The following C12orf75 variants were observed in gnomAD, a reference collection of about 807,000 sequenced individuals.
The protein encoded by C12orf75 is overexpressed in colon carcinoma 1 protein.
C12orf75 carries 4 observed loss-of-function variants against 11.4 expected under a neutral mutation model. The ratio of observed to expected loss-of-function variants is 0.35; its 90% CI spans 0.17 to 0.80. The LOEUF (loss-of-function observed/expected upper bound fraction) is 0.80. Ranked by LOEUF, C12orf75 falls within the 30% of genes least tolerant of loss-of-function variation. The probability of loss-of-function intolerance (pLI) is 0.52; values close to 1 mark genes in which losing one functional copy is unlikely to be tolerated. For synonymous variants in C12orf75, 30 were observed against 30.0 expected (o/e 1.00, Z 0.00); for missense variants, 89 against 80.4 (o/e 1.11, Z -0.41).
chr12:105,350,327 G>A (rs566171620), intron 2 of C12orf75, among the ~76,000 whole-genome samples: 187 of 152,326 alleles, frequency 1.2e-3, no homozygotes, highest in African/African-American at 4.3e-3. Flanking sequence ...CTCGCATGGC[G>A]TGGGAGGAGA....
chr12:105,358,014 T>G (rs892048653), intron 2 of C12orf75, among the ~76,000 whole-genome samples: 1 of 152,098 alleles, frequency 6.6e-6, no homozygotes, highest in Non-Finnish European at 1.5e-5. Context: ...TTGGCTATTT[T>G]ATTTTGTATT....
At chr12:105,365,284 C>T (rs566821529) in intron 2 of C12orf75, among the ~76,000 whole-genome samples, 1 of 152,198 alleles carries the variant, frequency 6.6e-6, no homozygotes, top group African/African-American at 2.4e-5. Flanking sequence ...ATCAAATAGG[C>T]ATTAACTCTT....
intron 1 of C12orf75, among the ~76,000 whole-genome samples, chr12:105,338,465 C>T (rs548304287): frequency 3.3e-5 from 5 of 152,272 alleles, no homozygotes; most frequent in South Asian, 2.1e-4. Context: ...TGAGCCACTG[C>T]GCCTGGCCAT....
intron 4 of C12orf75, 46 bp from the exon 5 acceptor site, chr12:105,367,426 C>A: frequency 1.5e-6 from 1 of 672,640 alleles, no homozygotes; most frequent in Non-Finnish European, 2.5e-6. Flanking sequence ...TTAGAATATG[C>A]TATTTATAAT....
At chr12:105,347,303 G>T (rs1892652387) in intron 1 of C12orf75, among the ~76,000 whole-genome samples, 1 of 152,154 alleles carries the variant, frequency 6.6e-6, no homozygotes, top group Non-Finnish European at 1.5e-5. Flanking sequence ...TTATTAAGGA[G>T]GACTGACTCA....
chr12:105,370,494 TA>T (rs1341303801), intron 5 of C12orf75, 139 bp from the exon 6 acceptor site: 1 of 423,328 alleles, frequency 2.4e-6, no homozygotes, highest in Non-Finnish European at 4.8e-6. Context: ...ACCTAAGTCT[TA>T]AATTAATATT....
At chr12:105,358,292 G>T (rs933740164) in intron 2 of C12orf75, among the ~76,000 whole-genome samples, 4 of 152,178 alleles carry the variant, frequency 2.6e-5, no homozygotes, top group Non-Finnish European at 4.4e-5. Context: ...AAGGTGGGAG[G>T]ATCACTTGAG....
chr12:105,348,033 C>T (rs1892659767), intron 1 of C12orf75, among the ~76,000 whole-genome samples: 2 of 152,160 alleles, frequency 1.3e-5, no homozygotes, highest in Non-Finnish European at 2.9e-5. Flanking sequence ...TCAGAACTGG[C>T]ACCTTGTAAT....
chr12:105,361,850 A>C (rs1248279993), intron 2 of C12orf75, among the ~76,000 whole-genome samples: 1 of 152,222 alleles, frequency 6.6e-6, no homozygotes, highest in Non-Finnish European at 1.5e-5. Flanking sequence ...GTTTAGACCA[A>C]CCACCGCTTT....
intron 2 of C12orf75, among the ~76,000 whole-genome samples, chr12:105,352,485 A>G (rs1160472621): frequency 6.6e-6 from 1 of 152,230 alleles, no homozygotes; most frequent in African/African-American, 2.4e-5. Context: ...AGAAAAATTC[A>G]GTTATTATTC....
At chr12:105,354,068 C>A (rs938268224) in intron 2 of C12orf75, among the ~76,000 whole-genome samples, 8 of 152,144 alleles carry the variant, frequency 5.3e-5, no homozygotes, top group African/African-American at 1.7e-4. Context: ...CCTCTCTGCT[C>A]CTCATAGATA....
intron 2 of C12orf75, among the ~76,000 whole-genome samples, chr12:105,360,733 C>G (rs1892850801): frequency 6.6e-6 from 1 of 152,114 alleles, no homozygotes; most frequent in Non-Finnish European, 1.5e-5. Flanking sequence ...CTGACTGCAA[C>G]CACTGTCTCC....
At chr12:105,361,114 C>G (rs1384032421) in intron 2 of C12orf75, among the ~76,000 whole-genome samples, 1 of 152,100 alleles carries the variant, frequency 6.6e-6, no homozygotes, top group Admixed American at 6.5e-5. Context: ...CCTTTTCCCT[C>G]ACAAGAGGGA....
At chr12:105,351,207 A>AT (rs914595638) in intron 2 of C12orf75, among the ~76,000 whole-genome samples, 2 of 152,152 alleles carry the variant, frequency 1.3e-5, no homozygotes, top group African/African-American at 4.8e-5. Context: ...ATGACACTTA[A>AT]TTTTTTTATT....
chr12:105,341,916 C>T (rs1428506486), intron 1 of C12orf75, among the ~76,000 whole-genome samples: 1 of 152,180 alleles, frequency 6.6e-6, no homozygotes, highest in Non-Finnish European at 1.5e-5. Context: ...AATGGGAGTT[C>T]CCCTGCACAA....
intron 1 of C12orf75, among the ~76,000 whole-genome samples, chr12:105,337,977 A>C (rs902255718): frequency 6.6e-6 from 1 of 152,152 alleles, no homozygotes; most frequent in African/African-American, 2.4e-5. Context: ...GAGAAAAAAA[A>C]CCTATGAAAT....
intron 2 of C12orf75, among the ~76,000 whole-genome samples, chr12:105,355,764 G>C (rs550450536): frequency 8.5e-4 from 129 of 152,316 alleles, no homozygotes; most frequent in Non-Finnish European, 1.7e-3. Context: ...TTAAGGTAAG[G>C]AGATGAAGAG....
At chr12:105,348,356 A>G (rs1892664731) in intron 1 of C12orf75, among the ~76,000 whole-genome samples, 1 of 151,022 alleles carries the variant, frequency 6.6e-6, no homozygotes, top group African/African-American at 2.4e-5. Context: ...CAGAGGTTGC[A>G]GTGAGCCGAG....
chr12:105,335,929 G>C (rs944507768), intron 1 of C12orf75, among the ~76,000 whole-genome samples: 1 of 152,216 alleles, frequency 6.6e-6, no homozygotes, highest in East Asian at 1.9e-4. Flanking sequence ...GTTGGTGTGG[G>C]CACACTGTAC....
Sources: allele counts gnomAD v4.1 joint callset (sites outside exome capture counted in the v4.1 genomes callset), GRCh38; gene constraint gnomAD v4.1.1; transcripts MANE v1.5; gene names NCBI Gene and HGNC (gene_info 2026-07-23, HGNC 2026-07-21).